MEF2A: variants seen among roughly 807,000 people sequenced by gnomAD.
MEF2A encodes myocyte enhancer factor 2A, also known as myocyte-specific enhancer factor 2A.
Under a neutral mutation model 55.8 loss-of-function variants are expected in MEF2A, and 28 were observed. The observed-to-expected ratio is 0.50, with a 90% confidence interval of 0.37 to 0.69. MEF2A has a LOEUF of 0.69. Among genes scored for constraint, MEF2A ranks in the 30% least tolerant of loss-of-function variants. The pLI, the probability that MEF2A is intolerant of heterozygous loss-of-function variation, is 0.00. For missense variants in MEF2A, 528 were observed against 626.2 expected, an observed-to-expected ratio of 0.84 and a Z score of 1.67; for synonymous variants, 239 against 227.1, an observed-to-expected ratio of 1.05 and a Z score of -0.47.
rs191218495 is a variant in MEF2A, at chr15:99,634,815, A to G, written c.54+1642A>G. On this transcript the variant is annotated intron_variant, in intron 3 of 11. Coordinates refer to ENST00000557942, the MANE Select transcript of MEF2A (RefSeq NM_001319206.4). The stretch of plus-strand genomic sequence containing the variant: ...GTGTCAGCTTCTTGCCTAGCTGCCA[A>G]ATGGGGCAAGGACTATCTGAATTTC... Among the ~76,000 whole-genome samples the G allele has an allele frequency of 1.4e-4, 21 of 152,344 alleles. No homozygotes were observed. The East Asian group carries it at 3.1e-3, about 22-fold the overall frequency.
intron 4 of MEF2A, among the ~76,000 whole-genome samples, chr15:99,650,886 G>T (rs964451321): frequency 2.0e-5 from 3 of 152,174 alleles, no homozygotes; most frequent in Non-Finnish European, 4.4e-5. Flanking sequence ...CTTTTGAGAT[G>T]AAGCCAAAGC....
chr15:99,640,799 T>A (rs916319304), intron 3 of MEF2A, among the ~76,000 whole-genome samples: 1 of 152,138 alleles, frequency 6.6e-6, no homozygotes, highest in Admixed American at 6.5e-5. Flanking sequence ...TCCTCCCACC[T>A]GGCCCTCCCA....
At position 99,712,262 on chromosome 15, in the gene MEF2A, G is replaced by T. The variant is rs919029200; in HGVS notation, c.1137-128G>T. ...GCACTGAAGGAAACGACCCAAACCA[G>T]TCTTGGGGAACTCTGATAAGATTTC... On this transcript the variant is annotated intron_variant, in intron 11 of 11. Transcript: ENST00000557942. This position sits in a 1 kb window ranked among gnomAD's most constrained non-coding sequence, Gnocchi z 4.1. 1 of 1,423,344 alleles carries T rather than the reference G, an allele frequency of 7.0e-7. No homozygotes were observed. The highest frequency in any genetic ancestry group is 2.9e-5 in the Admixed American group (1 of 34,900). 88.2% of individuals were successfully genotyped at this position (1,423,344 alleles called of 1,614,324 possible).
In MEF2A at chr15:99,568,907, T is replaced by C. The variant is rs573204211; in HGVS notation, c.-225+2803T>C. On this transcript the variant is annotated intron_variant, in intron 1 of 11. Transcript: ENST00000557942. ...GATGACACTATGAGAAAACCATTTG[T>C]GGACCAAAAATGATCACTATTTCTT... Among the ~76,000 whole-genome samples the C allele has an allele frequency of 6.8e-4, 103 of 152,332 alleles. 1 individual carries two copies. The highest frequency in any genetic ancestry group is 9.2e-4 in the Admixed American group (14 of 15,300).
chr15:99,614,813 C>T (rs1437386798), intron 2 of MEF2A, among the ~76,000 whole-genome samples: 2 of 151,940 alleles, frequency 1.3e-5, no homozygotes, highest in African/African-American at 4.8e-5. Flanking sequence ...GTATGAAAGC[C>T]CTGAAACAGA....
At chr15:99,615,545 A>G (rs1020316779) in intron 2 of MEF2A, among the ~76,000 whole-genome samples, 16 of 152,166 alleles carry the variant, frequency 1.1e-4, no homozygotes, top group Admixed American at 9.2e-4. Flanking sequence ...TATGAGCTTT[A>G]TTATTAGTCC....
At chr15:99,705,711 G>A (rs1050233297) in intron 9 of MEF2A, among the ~76,000 whole-genome samples, 4 of 152,338 alleles carry the variant, frequency 2.6e-5, no homozygotes, top group African/African-American at 7.2e-5. Context: ...TTTGAAAATT[G>A]TGATAGAGAA....
At chr15:99,660,564 T>C (rs372674882) in intron 4 of MEF2A, among the ~76,000 whole-genome samples, 1 of 152,202 alleles carries the variant, frequency 6.6e-6, no homozygotes, top group African/African-American at 2.4e-5. Flanking sequence ...TAAATGTCTT[T>C]GGGCTCTGAA....
At chr15:99,662,574 AAAGCGATT>A (rs1377193772) in intron 4 of MEF2A, among the ~76,000 whole-genome samples, 2 of 151,490 alleles carry the variant, frequency 1.3e-5, no homozygotes, top group African/African-American at 4.9e-5. Flanking sequence ...TCCTGGGGTT[AAAGCGATT>A]CTCCTGCCTC....
chr15:99,704,846 T>G (rs1446361865), intron 9 of MEF2A, among the ~76,000 whole-genome samples: 2 of 152,228 alleles, frequency 1.3e-5, no homozygotes, highest in East Asian at 3.8e-4. Context: ...AACTTGATGC[T>G]GAGACTAAAA....
At chr15:99,675,651 C>A (rs1425572879) in intron 7 of MEF2A, among the ~76,000 whole-genome samples, 193 bp downstream of exon 7, 1 of 152,198 alleles carries the variant, frequency 6.6e-6, no homozygotes, top group African/African-American at 2.4e-5. Flanking sequence ...TACCAAACTA[C>A]TCTATCTTAC....
At chr15:99,574,540 T>A (rs1367889002) in intron 1 of MEF2A, among the ~76,000 whole-genome samples, 1 of 152,216 alleles carries the variant, frequency 6.6e-6, no homozygotes, top group Non-Finnish European at 1.5e-5. Flanking sequence ...CAGTGACTGA[T>A]GATCTCATCA....
chr15:99,648,617 G>A (rs536062678), intron 4 of MEF2A, among the ~76,000 whole-genome samples: 1 of 152,006 alleles, frequency 6.6e-6, no homozygotes, highest in African/African-American at 2.4e-5. Context: ...CTTCCATAAG[G>A]CCTATAACCT....
chr15:99,596,749 T>C (rs2153026375), intron 1 of MEF2A, among the ~76,000 whole-genome samples: 1 of 152,334 alleles, frequency 6.6e-6, no homozygotes, highest in Non-Finnish European at 1.5e-5. Context: ...TCTACCTGAA[T>C]GTCCTGCTCT....
chr15:99,579,304 G>A (rs1262382892), intron 1 of MEF2A, among the ~76,000 whole-genome samples: 3 of 150,650 alleles, frequency 2.0e-5, no homozygotes, highest in South Asian at 4.2e-4. Context: ...TTCTGCTTTA[G>A]GGTTTTTTTT....
chr15:99,619,754 G>C (rs908221698), intron 2 of MEF2A, among the ~76,000 whole-genome samples: 13 of 152,112 alleles, frequency 8.5e-5, no homozygotes, highest in African/African-American at 3.1e-4. Context: ...GCCTCATGTG[G>C]TACATATAAT....
intron 2 of MEF2A, among the ~76,000 whole-genome samples, chr15:99,611,956 G>C (rs1315385060): frequency 6.6e-6 from 1 of 152,144 alleles, no homozygotes; most frequent in Admixed American, 6.5e-5. Context: ...TTCCAGAATA[G>C]GCAAATTCCA....
intron 2 of MEF2A, among the ~76,000 whole-genome samples, chr15:99,624,855 T>C (rs1276864796): frequency 6.6e-6 from 1 of 152,216 alleles, no homozygotes; most frequent in African/African-American, 2.4e-5. Flanking sequence ...TTTTTTAGTT[T>C]TTAGTGTGCA....
At chr15:99,569,101 G>A (rs899287506) in intron 1 of MEF2A, among the ~76,000 whole-genome samples, 6 of 152,192 alleles carry the variant, frequency 3.9e-5, no homozygotes, top group Non-Finnish European at 8.8e-5. Context: ...GCAAGCCCCA[G>A]TAAAGGAAGG....
Sources: allele counts gnomAD v4.1 joint callset (sites outside exome capture counted in the v4.1 genomes callset), GRCh38; gene constraint gnomAD v4.1.1; non-coding constraint Gnocchi (gnomAD v3.1); transcripts MANE v1.5; gene names NCBI Gene and HGNC (gene_info 2026-07-23, HGNC 2026-07-21).